PCDHA6: variants seen among roughly 807,000 people sequenced by gnomAD.
PCDHA6 encodes protocadherin alpha 6.
In PCDHA6, 55 loss-of-function variants were observed where a neutral mutation model predicts 60.3. The observed-to-expected ratio is 0.91, with a 90% CI of 0.73 to 1.14. PCDHA6 has a LOEUF of 1.14. Among genes scored for constraint, PCDHA6 ranks in the 50% most tolerant of loss-of-function variants. PCDHA6 has a pLI of 0.00. For synonymous variants in PCDHA6, 652 were observed against 557.9 expected (o/e 1.17, Z -2.38); for missense variants, 1,327 against 1,256.5 (o/e 1.06, Z -0.85).
chr5:140,876,261 A>G (rs2056242888), intron 1 of PCDHA6: 9 of 1,613,942 alleles, frequency 5.6e-6, no homozygotes, highest in Non-Finnish European at 7.6e-6. Context: ...GAGTGATCCA[A>G]CTAAATGCTT....
chr5:140,922,765 A>T (rs1346337086), intron 1 of PCDHA6, among the ~76,000 whole-genome samples: 1 of 152,258 alleles, frequency 6.6e-6, no homozygotes, highest in Non-Finnish European at 1.5e-5. Flanking sequence ...TAAAGAATTT[A>T]AAAGAACTGG....
chr5:140,994,550 T>A (rs1554254228), intron 3 of PCDHA6, among the ~76,000 whole-genome samples: 1 of 151,060 alleles, frequency 6.6e-6, no homozygotes, highest in Non-Finnish European at 1.5e-5. Context: ...AAAAAAAATA[T>A]AAAAATTAGC....
chr5:140,853,953 C>A, intron 1 of PCDHA6: 1 of 757,816 alleles, frequency 1.3e-6, no homozygotes, highest in Non-Finnish European at 1.6e-6. Flanking sequence ...AGGGTCCCTT[C>A]CTTGAGCCCA....
chr5:140,904,139 A>C (rs557435150), intron 1 of PCDHA6, among the ~76,000 whole-genome samples: 10 of 152,286 alleles, frequency 6.6e-5, no homozygotes, highest in African/African-American at 2.2e-4. Flanking sequence ...TCACCCGAGC[A>C]GTATACATTG....
chr5:140,871,382 A>C (rs781900960), intron 1 of PCDHA6: 1 of 1,614,070 alleles, frequency 6.2e-7, no homozygotes, highest in South Asian at 1.1e-5. Context: ...GTGTGCTCTG[A>C]GGAGGGCCCA....
At chr5:140,842,908 G>A (rs2150347706) in intron 1 of PCDHA6, 9 of 1,594,496 alleles carry the variant, frequency 5.6e-6, no homozygotes, top group African/African-American at 1.3e-5. Flanking sequence ...AGGAGCTAGA[G>A]CTGCTGCAGT....
chr5:140,884,563 T>TAAGACG (rs2060266286), intron 1 of PCDHA6: 9 of 1,614,032 alleles, frequency 5.6e-6, no homozygotes, highest in Non-Finnish European at 7.6e-6. Context: ...AGGGCCCGCA[T>TAAGACG]AAGACGGACC....
chr5:140,972,512 C>T (rs1586536091), intron 1 of PCDHA6, among the ~76,000 whole-genome samples: 1 of 152,018 alleles, frequency 6.6e-6, no homozygotes, highest in Non-Finnish European at 1.5e-5. Context: ...GATTTTACCC[C>T]CAGTGAGCTT....
At chr5:140,871,202 T>C in intron 1 of PCDHA6, 1 of 1,613,730 alleles carries the variant, frequency 6.2e-7, no homozygotes, top group Non-Finnish European at 8.5e-7. Context: ...GTGTACCTGA[T>C]CATCGCCATC....
In PCDHA6 at chr5:140,870,824, G is replaced by A. The variant is rs1296646483; in HGVS notation, c.2394+40339G>A. On this transcript the variant is annotated intron_variant, in intron 1 of 3. Coordinates refer to ENST00000529310, the MANE Select transcript of PCDHA6 (RefSeq NM_018909.4). ...GCGACTCAGGCTGGCAGCGCGGGAG[G>A]CGCAGTTAACAAGCTAGTACCGCGG... 8.7e-6 allele frequency: 14 copies of A among 1,613,638 alleles called. No homozygotes were observed. The East Asian group carries it at 2.9e-4, about 33-fold the overall frequency.
chr5:140,885,925 T>A lies in PCDHA6; in HGVS notation c.2394+55440T>A, dbSNP rs1431219397. The stretch of plus-strand genomic sequence containing the variant: ...CTGTACCTTATAGATATTAACTGTT[T>A]ATCTATTTTTTGACATTTTTAATTA... On this transcript the variant is annotated intron_variant, in intron 1 of 3. Coordinates refer to ENST00000529310, the MANE Select transcript of PCDHA6 (RefSeq NM_018909.4). 2.0e-5 allele frequency among the ~76,000 whole-genome samples: 3 copies of A among 151,896 alleles called. No homozygotes were observed. In the East Asian group the frequency reaches 5.8e-4, roughly 29 times the overall value.
intron 1 of PCDHA6, among the ~76,000 whole-genome samples, chr5:140,949,115 T>G (rs2094346093): frequency 6.6e-6 from 1 of 151,756 alleles, no homozygotes; most frequent in African/African-American, 2.4e-5. Context: ...TACAAATATT[T>G]TTGGTTTTCC....
At chr5:140,897,772 C>T (rs1393087365) in intron 1 of PCDHA6, among the ~76,000 whole-genome samples, 2 of 152,192 alleles carry the variant, frequency 1.3e-5, no homozygotes, top group Non-Finnish European at 2.9e-5. Context: ...ACACTGACTT[C>T]CACAATGGTT....
chr5:140,828,079 A>C lies in PCDHA6; in HGVS notation c.-13A>C. The C allele has an allele frequency of 6.3e-7, 1 of 1,579,036 alleles. No homozygotes were observed. Among genetic ancestry groups the C allele is most frequent in the Non-Finnish European group, 8.6e-7 (1 of 1,163,366 alleles). On this transcript the variant is annotated 5_prime_UTR_variant, in exon 1 of 4. Transcript: ENST00000529310. ...AAGATCTTCTAATGGAAATAAAACCAGAGGTATTTGACATGGTGTTTACCC... is the reference window on the plus strand; with the variant it reads ...AAGATCTTCTAATGGAAATAAAACCCGAGGTATTTGACATGGTGTTTACCC...
At position 140,883,003 on chromosome 5, in the gene PCDHA6, C is replaced by G. The variant is rs781977743; in HGVS notation, c.2394+52518C>G. 3.1e-6 allele frequency: 5 copies of G among 1,613,932 alleles called. No homozygotes were observed. The African/African-American group carries it at 5.3e-5, about 17-fold the overall frequency. On this transcript the variant is annotated intron_variant, in intron 1 of 3. Coordinates refer to ENST00000529310, the MANE Select transcript of PCDHA6 (RefSeq NM_018909.4). ...ACAACGCCCCGGAATTTTACCAATC[C>G]GTTTATAAAGTGACGGTGTTAGAGA... is the stretch of plus-strand genomic sequence containing the variant.
intron 1 of PCDHA6, chr5:140,869,286 G>C: frequency 6.2e-7 from 1 of 1,613,616 alleles, no homozygotes; most frequent in Non-Finnish European, 8.5e-7. Flanking sequence ...AGCTGGTGCA[G>C]CGCCTGTTCC....
At chr5:140,831,682 G>T (rs2150196752) in intron 1 of PCDHA6, among the ~76,000 whole-genome samples, 1 of 152,150 alleles carries the variant, frequency 6.6e-6, no homozygotes, top group African/African-American at 2.4e-5. Flanking sequence ...TTCTTTGAAT[G>T]AAAAGCAGCA....
At chr5:140,832,058 T>C (rs1771820684) in intron 1 of PCDHA6, among the ~76,000 whole-genome samples, 1 of 152,234 alleles carries the variant, frequency 6.6e-6, no homozygotes, top group South Asian at 2.1e-4. Context: ...TAATTACCAA[T>C]TTAATCTGAG....
Position 141,010,188 on chromosome 5 carries a change from T to A in PCDHA6, c.*251T>A. ...CAGAACCTAAAAAGCAGACCCAAGT[T>A]TCCTTTCTCCTCCGCCGCAAAGGAG... is the stretch of plus-strand genomic sequence containing the variant. On this transcript the variant is annotated 3_prime_UTR_variant, in exon 4 of 4. Coordinates refer to ENST00000529310, the MANE Select transcript of PCDHA6 (RefSeq NM_018909.4). 6.4e-7 allele frequency: 1 copy of A among 1,553,070 alleles called. No individual in the cohort carries two copies. The highest frequency in any genetic ancestry group is 1.2e-5 in the South Asian group (1 of 84,340).
Sources: gnomAD v4.1 joint callset for allele counts (sites outside exome capture counted in the v4.1 genomes callset) on GRCh38, gnomAD v4.1.1 for gene constraint, MANE v1.5 for transcripts, NCBI Gene and HGNC (gene_info 2026-07-23, HGNC 2026-07-21) for gene names.